Variants in DENND1B observed in about 807,000 individuals in gnomAD.
The protein encoded by DENND1B is DENN domain-containing protein 1B.
In DENND1B, 59 loss-of-function variants were observed where a neutral mutation model predicts 90.1. That is an observed-to-expected ratio of 0.65 (90% confidence interval 0.53 to 0.81). The LOEUF (loss-of-function observed/expected upper bound fraction) is 0.81. Ranked by LOEUF, DENND1B falls within the 40% of genes least tolerant of loss-of-function variation. The probability of loss-of-function intolerance (pLI) is 0.00; values close to 1 mark genes in which losing one functional copy is unlikely to be tolerated. For missense variants in DENND1B, 862 were observed against 912.6 expected (o/e 0.94, Z 0.71); for synonymous variants, 337 against 324.6 (o/e 1.04, Z -0.41).
At chr1:197,721,065 A>ATTTTTTTTTTTTT (rs11371047) in intron 2 of DENND1B, among the ~76,000 whole-genome samples, 1 of 98,970 alleles carries the variant, frequency 1.0e-5, no homozygotes, top group Non-Finnish European at 1.9e-5. Context: ...GAGAAACGGC[A>ATTTTTTTTTTTTT]TTTTTTTTTT....
At position 197,745,386 on chromosome 1, in the gene DENND1B, A is replaced by G. The variant is rs540399061; in HGVS notation, c.82+27482T>C. On this transcript the variant is annotated intron_variant, in intron 2 of 22. Transcript: ENST00000620048. ...CACTTGGACACTTAGAGGCCATTGTAGGGTTATCAATTGGCCTAATTTCAA... is the reference window on the plus strand; with the variant it reads ...CACTTGGACACTTAGAGGCCATTGTGGGGTTATCAATTGGCCTAATTTCAA... Among the ~76,000 whole-genome samples, 4 of 152,216 alleles carry G rather than the reference A, an allele frequency of 2.6e-5. No homozygotes were observed. In the East Asian group the frequency reaches 7.7e-4, roughly 29 times the overall value.
At chr1:197,630,221 A>G (rs2125894824) in intron 10 of DENND1B, among the ~76,000 whole-genome samples, 1 of 152,206 alleles carries the variant, frequency 6.6e-6, no homozygotes, top group Admixed American at 6.6e-5. Context: ...TTGGGCTACT[A>G]TAACAAAATA....
intron 2 of DENND1B, among the ~76,000 whole-genome samples, chr1:197,745,854 A>G (rs1278468780): frequency 2.0e-5 from 3 of 151,864 alleles, no homozygotes; most frequent in South Asian, 2.1e-4. Context: ...CCCTTTCTTT[A>G]TTGTAACAGT....
chr1:197,528,168 C>T (rs1398253630), intron 20 of DENND1B, among the ~76,000 whole-genome samples: 4 of 152,184 alleles, frequency 2.6e-5, no homozygotes, highest in African/African-American at 9.6e-5. Context: ...ATAAGTTTCA[C>T]AGAAAATTAC....
At chr1:197,663,265 T>C (rs771129766) in intron 5 of DENND1B, among the ~76,000 whole-genome samples, 2 of 152,148 alleles carry the variant, frequency 1.3e-5, no homozygotes, top group Non-Finnish European at 2.9e-5. Context: ...AAACCAAGCC[T>C]AGTTATAAAC....
At chr1:197,537,409 AGT>A (rs1377420984) in intron 20 of DENND1B, among the ~76,000 whole-genome samples, 3 of 152,170 alleles carry the variant, frequency 2.0e-5, no homozygotes, top group African/African-American at 7.2e-5. Context: ...CTGAAGACTT[AGT>A]GTAAGTATAC....
chr1:197,685,650 T>G (rs1657157442), intron 3 of DENND1B: 8 of 152,136 alleles, frequency 5.3e-5, no homozygotes, highest in Admixed American at 5.2e-4. Flanking sequence ...TTAAGGCTAG[T>G]CAAACGAAGT....
chr1:197,606,403 T>G (rs1406619147), intron 13 of DENND1B: 2 of 151,238 alleles, frequency 1.3e-5, no homozygotes, highest in Non-Finnish European at 3.0e-5. Flanking sequence ...GGTTTGCAGT[T>G]TAATTTACAA....
At chr1:197,680,180 G>A (rs559453002) in intron 3 of DENND1B, among the ~76,000 whole-genome samples, 2 of 148,094 alleles carry the variant, frequency 1.4e-5, no homozygotes, top group African/African-American at 4.9e-5. Context: ...GCAGAGATTT[G>A]AATAGAAATT....
intron 2 of DENND1B, chr1:197,735,411 A>G: frequency 7.0e-7 from 1 of 1,425,024 alleles, no homozygotes; most frequent in East Asian, 2.6e-5. Flanking sequence ...CAGAGAATTC[A>G]CTGTTAAAAA....
At chr1:197,681,458 C>A (rs950452906) in intron 3 of DENND1B, among the ~76,000 whole-genome samples, 4 of 152,080 alleles carry the variant, frequency 2.6e-5, no homozygotes, top group Non-Finnish European at 4.4e-5. Context: ...TGATCAAATT[C>A]TTTTATTCAT....
chr1:197,695,472 T>A (rs923211873), intron 3 of DENND1B, among the ~76,000 whole-genome samples: 3 of 151,014 alleles, frequency 2.0e-5, no homozygotes, highest in African/African-American at 7.3e-5. Context: ...CATTTACCCA[T>A]CATCTCTACA....
At chr1:197,641,546 T>C (rs1265941438) in intron 10 of DENND1B, among the ~76,000 whole-genome samples, 1 of 152,182 alleles carries the variant, frequency 6.6e-6, no homozygotes, top group East Asian at 1.9e-4. Context: ...TTTCAACTTT[T>C]AGGAGTGAGC....
At chr1:197,585,313 A>G (rs1280694174) in intron 14 of DENND1B, among the ~76,000 whole-genome samples, 1 of 152,214 alleles carries the variant, frequency 6.6e-6, no homozygotes, top group Non-Finnish European at 1.5e-5. Context: ...AAATATAAGT[A>G]ATTGCCTCTA....
At chr1:197,647,505 A>T (rs1680831162) in intron 7 of DENND1B, among the ~76,000 whole-genome samples, 1 of 152,228 alleles carries the variant, frequency 6.6e-6, no homozygotes, top group African/African-American at 2.4e-5. Flanking sequence ...CTCCTCTAGT[A>T]GCTGAAGATA....
At chr1:197,549,801 C>G (rs192750107) in intron 16 of DENND1B, among the ~76,000 whole-genome samples, 3 of 151,986 alleles carry the variant, frequency 2.0e-5, no homozygotes, top group Admixed American at 2.0e-4. Context: ...TAAGGTATGA[C>G]GTGGATTTCC....
chr1:197,697,258 T>C (rs985151214), intron 3 of DENND1B, among the ~76,000 whole-genome samples: 6 of 151,796 alleles, frequency 4.0e-5, no homozygotes, highest in Admixed American at 1.3e-4. Flanking sequence ...GGGGATTTTT[T>C]TTTATGGCAA....
chr1:197,776,819 CAAACA>C (rs1657292818), upstream of DENND1B, among the ~76,000 whole-genome samples: 1 of 118,376 alleles, frequency 8.4e-6, no homozygotes, highest in African/African-American at 2.5e-5. Context: ...GGGAAACAAA[CAAACA>C]AAAAAAAAAT....
chr1:197,728,094 C>CA lies in DENND1B; in HGVS notation c.83-13021dup, dbSNP rs1300376839. Among the ~76,000 whole-genome samples the CA allele has an allele frequency of 7.9e-4, 120 of 152,232 alleles. 1 individual carries two copies. The highest frequency in any genetic ancestry group is 2.1e-4 in the Non-Finnish European group (14 of 68,008). On this transcript the variant is annotated intron_variant, in intron 2 of 22. Transcript: ENST00000620048. ...TCCTATATATCTACATAGCAGTTCT[C>CA]AACCCTTTCTGTTCATTAGATTATC...
Sources: allele counts gnomAD v4.1 joint callset (sites outside exome capture counted in the v4.1 genomes callset), GRCh38; gene constraint gnomAD v4.1.1; transcripts MANE v1.5; gene names NCBI Gene and HGNC (gene_info 2026-07-23, HGNC 2026-07-21).